The following PTPRD variants were observed in gnomAD, a reference collection of about 807,000 sequenced individuals.
PTPRD encodes the protein receptor-type tyrosine-protein phosphatase delta.
Under a neutral mutation model 214.5 loss-of-function variants are expected in PTPRD, and 34 were observed. The ratio of observed to expected loss-of-function variants is 0.16; its 90% confidence interval spans 0.12 to 0.21. The LOEUF is 0.21. Ranked by LOEUF, PTPRD falls within the 10% of genes least tolerant of loss-of-function variation. The pLI is 1.00. For synonymous variants in PTPRD, 1,128 were observed against 845.7 expected (o/e 1.33, Z -5.79); for missense variants, 2,545 against 2,398.7 (o/e 1.06, Z -1.27).
intron 11 of PTPRD, among the ~76,000 whole-genome samples, chr9:8,764,052 G>A (rs1231521908): frequency 1.3e-5 from 2 of 152,272 alleles, no homozygotes; most frequent in Non-Finnish European, 2.9e-5. Flanking sequence ...AGTGAAGGGA[G>A]TGTTAATTAC....
intron 11 of PTPRD, among the ~76,000 whole-genome samples, chr9:8,826,953 T>G (rs1193149188): frequency 6.6e-6 from 1 of 152,102 alleles, no homozygotes; most frequent in Non-Finnish European, 1.5e-5. Flanking sequence ...TCCTTCTGCC[T>G]GGGATGCTCT....
chr9:10,307,451 CCATT>C, intron 3 of PTPRD, among the ~76,000 whole-genome samples: 1 of 152,130 alleles, frequency 6.6e-6, no homozygotes, highest in South Asian at 2.1e-4. Flanking sequence ...TTTTCTTTAT[CCATT>C]CATTCATTGA....
At chr9:8,581,479 T>G (rs1271078472) in intron 14 of PTPRD, among the ~76,000 whole-genome samples, 2 of 152,212 alleles carry the variant, frequency 1.3e-5, no homozygotes, top group Non-Finnish European at 2.9e-5. Context: ...CCGGGCGCAG[T>G]GGCTCACGCC....
At chr9:8,853,091 G>A (rs1270322380) in intron 11 of PTPRD, among the ~76,000 whole-genome samples, 2 of 152,140 alleles carry the variant, frequency 1.3e-5, no homozygotes, top group African/African-American at 2.4e-5. Context: ...AAGCAAATGG[G>A]TAATTTATTA....
At chr9:8,553,985 G>A (rs1046346599) in intron 14 of PTPRD, among the ~76,000 whole-genome samples, 4 of 151,942 alleles carry the variant, frequency 2.6e-5, no homozygotes, top group East Asian at 1.9e-4. Flanking sequence ...TCAGGAGTTC[G>A]AGACTAGCCT....
intron 7 of PTPRD, among the ~76,000 whole-genome samples, chr9:9,691,526 A>G (rs1035519391): frequency 2.6e-5 from 4 of 151,934 alleles, no homozygotes; most frequent in African/African-American, 9.7e-5. Context: ...TTCTTTATTC[A>G]TCTGTTGATG....
chr9:8,526,018 T>C (rs2074012902), intron 17 of PTPRD, among the ~76,000 whole-genome samples: 1 of 152,020 alleles, frequency 6.6e-6, no homozygotes, highest in African/African-American at 2.4e-5. Flanking sequence ...TGTCAGATTG[T>C]AGACGAGTGG....
chr9:9,508,226 T>C (rs568204902), intron 8 of PTPRD, among the ~76,000 whole-genome samples: 2 of 151,476 alleles, frequency 1.3e-5, no homozygotes, highest in Non-Finnish European at 3.0e-5. Flanking sequence ...AAATTTGTGG[T>C]TTGGAACACT....
chr9:9,798,922 G>T (rs2099021104), intron 5 of PTPRD, among the ~76,000 whole-genome samples: 1 of 152,048 alleles, frequency 6.6e-6, no homozygotes, highest in African/African-American at 2.4e-5. Context: ...AAATGTTTTG[G>T]TTTTTCTTTT....
intron 8 of PTPRD, among the ~76,000 whole-genome samples, chr9:9,508,781 T>C (rs2096630107): frequency 6.6e-6 from 1 of 151,602 alleles, no homozygotes; most frequent in Non-Finnish European, 1.5e-5. Flanking sequence ...TCCTTCCTTT[T>C]CCCTGGCTGT....
intron 3 of PTPRD, among the ~76,000 whole-genome samples, chr9:10,150,469 C>T (rs1264490098): frequency 6.6e-6 from 1 of 151,810 alleles, no homozygotes; most frequent in South Asian, 2.1e-4. Flanking sequence ...AACGAGAACA[C>T]ATGGACACGG....
chr9:8,433,022 C>T (rs7027686), intron 35 of PTPRD, among the ~76,000 whole-genome samples: 13,912 of 152,248 alleles, frequency 0.091, 1,297 homozygotes, highest in African/African-American at 0.24. Context: ...GAAAATTCCA[C>T]ATTTAAAAGA....
At chr9:10,518,256 C>A (rs1330818460) in intron 2 of PTPRD, among the ~76,000 whole-genome samples, 1 of 152,130 alleles carries the variant, frequency 6.6e-6, no homozygotes, top group Non-Finnish European at 1.5e-5. Flanking sequence ...TCACCAACTA[C>A]ATAAATCATG....
At chr9:9,018,453 C>T (rs1423100334) in intron 11 of PTPRD, among the ~76,000 whole-genome samples, 1 of 152,062 alleles carries the variant, frequency 6.6e-6, no homozygotes, top group Non-Finnish European at 1.5e-5. Context: ...AATTTCACTC[C>T]ATCTATATAC....
chr9:9,917,822 AGAAT>A (rs756512668), intron 5 of PTPRD, among the ~76,000 whole-genome samples: 9 of 152,090 alleles, frequency 5.9e-5, no homozygotes, highest in Non-Finnish European at 1.0e-4. Flanking sequence ...TCACATTTGT[AGAAT>A]GAAGGACAAA....
chr9:10,150,602 T>A (rs1190116626), intron 3 of PTPRD, among the ~76,000 whole-genome samples: 1 of 150,954 alleles, frequency 6.6e-6, no homozygotes, highest in Non-Finnish European at 1.5e-5. Flanking sequence ...AGCACATGTA[T>A]ACATATGTAA....
intron 8 of PTPRD, among the ~76,000 whole-genome samples, chr9:9,428,065 T>G (rs1588137234): frequency 6.6e-6 from 1 of 152,122 alleles, no homozygotes; most frequent in African/African-American, 2.4e-5. Flanking sequence ...CATAACAATA[T>G]TAACCTTAAA....
intron 3 of PTPRD, among the ~76,000 whole-genome samples, chr9:10,303,552 T>C (rs938505963): frequency 2.5e-4 from 38 of 152,050 alleles, no homozygotes; most frequent in African/African-American, 5.5e-4. Flanking sequence ...AAGGATCAAA[T>C]AGATGCAATA....
chr9:9,693,600 T>C (rs1368370221), intron 7 of PTPRD, among the ~76,000 whole-genome samples: 1 of 152,214 alleles, frequency 6.6e-6, no homozygotes, highest in Non-Finnish European at 1.5e-5. Flanking sequence ...TGCTGTTCTA[T>C]AATCTTCTTG....
Sources: gnomAD v4.1 joint callset for allele counts (sites outside exome capture counted in the v4.1 genomes callset) on GRCh38, gnomAD v4.1.1 for gene constraint, MANE v1.5 for transcripts, NCBI Gene and HGNC (gene_info 2026-07-23, HGNC 2026-07-21) for gene names.